HTR1F: variants seen among roughly 807,000 people sequenced by gnomAD.
HTR1F encodes the protein 5-hydroxytryptamine (serotonin) receptor 1F, G protein-coupled.
HTR1F carries 17 observed loss-of-function variants against 24.0 expected under a neutral mutation model. The ratio of observed to expected loss-of-function variants is 0.71; its 90% CI spans 0.48 to 1.06. The LOEUF (loss-of-function observed/expected upper bound fraction) is 1.06. Ranked by LOEUF, HTR1F falls within the 50% of genes least tolerant of loss-of-function variation. The probability of loss-of-function intolerance (pLI) is 0.00; values close to 1 mark genes in which losing one functional copy is unlikely to be tolerated. For synonymous variants in HTR1F, 186 were observed against 156.8 expected (o/e 1.19, Z -1.39); for missense variants, 391 against 427.8 (o/e 0.91, Z 0.76).
At chr3:87,968,515 C>A (rs1705215965) in intron 2 of HTR1F, among the ~76,000 whole-genome samples, 1 of 151,824 alleles carries the variant, frequency 6.6e-6, no homozygotes, top group African/African-American at 2.4e-5. Context: ...CCTGGCCAGG[C>A]AGAAGAAATT....
chr3:87,908,375 T>G (rs1030262058), intron 2 of HTR1F, among the ~76,000 whole-genome samples: 15 of 152,030 alleles, frequency 9.9e-5, no homozygotes, highest in African/African-American at 3.6e-4. Context: ...TGCAGCTAGC[T>G]AGAGTCAGCT....
Position 87,991,733 on chromosome 3 carries a change from G to A in HTR1F, c.984G>A (p.Met328Ile). 6.2e-7 allele frequency: 1 copy of A among 1,613,926 alleles called. No homozygotes were observed. The part of the protein sequence containing the change: ...VCDKCKISEE[M>I]SNFLAWLGYL... ...ACAAATGTAAAATTTCTGAAGAAAT[G>A]TCCAATTTTTTGGCATGGCTTGGGT... Residue 328 changes from methionine to isoleucine, a missense_variant, in exon 3 of 3, where the codon ATG becomes ATA. Transcript: ENST00000319595.
intron 2 of HTR1F, among the ~76,000 whole-genome samples, chr3:87,886,259 A>C (rs966829494): frequency 5.3e-5 from 8 of 152,206 alleles, no homozygotes; most frequent in Middle Eastern, 6.3e-3. Flanking sequence ...ATCTCAATAG[A>C]TGCAGAAAAG....
intron 1 of HTR1F, among the ~76,000 whole-genome samples, chr3:87,804,477 G>A (rs1411457722): frequency 1.3e-5 from 2 of 152,058 alleles, no homozygotes; most frequent in East Asian, 1.9e-4. Flanking sequence ...ACTGAATAGT[G>A]TATCTTAGCT....
At chr3:87,864,105 C>T (rs1359859619) in intron 2 of HTR1F, among the ~76,000 whole-genome samples, 2 of 152,178 alleles carry the variant, frequency 1.3e-5, no homozygotes, top group African/African-American at 4.8e-5. Context: ...CTTATGATTA[C>T]ATTGGGCTCA....
At chr3:87,861,626 A>C (rs1171573731) in intron 2 of HTR1F, among the ~76,000 whole-genome samples, 7 of 152,064 alleles carry the variant, frequency 4.6e-5, no homozygotes, top group Non-Finnish European at 7.4e-5. Context: ...ACATGACTTA[A>C]ATTTCTCTTG....
chr3:87,909,440 C>G (rs1267203242), intron 2 of HTR1F, among the ~76,000 whole-genome samples: 1 of 151,938 alleles, frequency 6.6e-6, no homozygotes, highest in Non-Finnish European at 1.5e-5. Context: ...TCACGATATG[C>G]TTCCTCTGCT....
At chr3:87,928,743 A>T (rs1704188587) in intron 2 of HTR1F, among the ~76,000 whole-genome samples, 1 of 152,194 alleles carries the variant, frequency 6.6e-6, no homozygotes, top group Non-Finnish European at 1.5e-5. Context: ...TTTTATTTCT[A>T]CAAGATAACA....
intron 2 of HTR1F, among the ~76,000 whole-genome samples, chr3:87,906,884 G>A (rs1703678805): frequency 6.6e-6 from 1 of 152,016 alleles, no homozygotes; most frequent in South Asian, 2.1e-4. Flanking sequence ...TCTTATGGCT[G>A]AGTAGTATTC....
chr3:87,845,881 T>A (rs1704929887), intron 2 of HTR1F, among the ~76,000 whole-genome samples: 1 of 151,960 alleles, frequency 6.6e-6, no homozygotes, highest in Admixed American at 6.6e-5. Flanking sequence ...ATTTTGGTGT[T>A]TTCACTCACA....
intron 2 of HTR1F, among the ~76,000 whole-genome samples, chr3:87,880,844 T>C (rs1705777360): frequency 2.0e-5 from 3 of 152,210 alleles, no homozygotes; most frequent in Non-Finnish European, 2.9e-5. Flanking sequence ...ACGTAAACAG[T>C]TGTAAACTGT....
intron 2 of HTR1F, among the ~76,000 whole-genome samples, chr3:87,870,980 C>T (rs1371583884): frequency 1.6e-5 from 2 of 127,576 alleles, no homozygotes; most frequent in African/African-American, 7.0e-5. Flanking sequence ...ATCAAATACC[C>T]AAATCTCAGA....
At chr3:87,983,397 A>C (rs1311538332) in intron 2 of HTR1F, among the ~76,000 whole-genome samples, 1 of 152,220 alleles carries the variant, frequency 6.6e-6, no homozygotes, top group Admixed American at 6.5e-5. Context: ...CTGATACAGA[A>C]GAGTTATGGA....
chr3:87,924,414 T>G (rs1168555469), intron 2 of HTR1F, among the ~76,000 whole-genome samples: 1 of 152,162 alleles, frequency 6.6e-6, no homozygotes, highest in Non-Finnish European at 1.5e-5. Context: ...TGACTTTCTG[T>G]AGTGACACGA....
At chr3:87,896,165 T>G (rs1406924580) in intron 2 of HTR1F, among the ~76,000 whole-genome samples, 2 of 152,290 alleles carry the variant, frequency 1.3e-5, no homozygotes, top group African/African-American at 4.8e-5. Context: ...CAGGGACCCC[T>G]CTGACTATTT....
In HTR1F at chr3:87,979,588, C is replaced by T. The variant is rs548622200; in HGVS notation, c.-42-11120C>T. On this transcript the variant is annotated intron_variant, in intron 2 of 2. Coordinates refer to ENST00000319595, the MANE Select transcript of HTR1F (RefSeq NM_001322209.2). ...AAATGTCACAAGATCCTTAGGTTGTCACTTTTCCAGTCAGAAGCCTCTGTG... is the reference window on the plus strand; with the variant it reads ...AAATGTCACAAGATCCTTAGGTTGTTACTTTTCCAGTCAGAAGCCTCTGTG... 2.2e-4 allele frequency among the ~76,000 whole-genome samples: 34 copies of T among 152,308 alleles called. No individual in the cohort carries two copies. In the South Asian group the frequency reaches 5.4e-3, roughly 24 times the overall value.
In HTR1F at chr3:87,976,776, G is replaced by T. The variant is rs184987202; in HGVS notation, c.-42-13932G>T. Among the ~76,000 whole-genome samples, 9 of 152,152 alleles carry T rather than the reference G, an allele frequency of 5.9e-5. No individual in the cohort carries two copies. In the South Asian group the frequency reaches 1.9e-3, roughly 32 times the overall value. Reference sequence around the variant, plus strand: ...TTAAAATATTTTTCATATCTTGCACGTAGTTAAATATCAACTTTTTAGTAA... The same window carrying T: ...TTAAAATATTTTTCATATCTTGCACTTAGTTAAATATCAACTTTTTAGTAA... On this transcript the variant is annotated intron_variant, in intron 2 of 2. Coordinates refer to ENST00000319595, the MANE Select transcript of HTR1F (RefSeq NM_001322209.2).
At chr3:87,971,357 C>A (rs1705281874) in intron 2 of HTR1F, among the ~76,000 whole-genome samples, 1 of 151,970 alleles carries the variant, frequency 6.6e-6, no homozygotes, top group South Asian at 2.1e-4. Flanking sequence ...CACTTGAGCC[C>A]AGGAGCTTGA....
intron 2 of HTR1F, among the ~76,000 whole-genome samples, chr3:87,945,899 G>C (rs1310696871): frequency 6.6e-6 from 1 of 152,084 alleles, no homozygotes; most frequent in African/African-American, 2.4e-5. Context: ...GATGGTGGCG[G>C]GCTGCTTCCA....
Sources: gnomAD v4.1 joint callset for allele counts (sites outside exome capture counted in the v4.1 genomes callset) on GRCh38, gnomAD v4.1.1 for gene constraint, MANE v1.5 for transcripts, NCBI Gene and HGNC (gene_info 2026-07-23, HGNC 2026-07-21) for gene names.